MEGF11: variants seen among roughly 807,000 people sequenced by gnomAD.
The protein encoded by MEGF11 is multiple epidermal growth factor-like domains protein 11.
In MEGF11, 126 loss-of-function variants were observed where a neutral mutation model predicts 146.6. That is an observed-to-expected ratio of 0.86 (90% CI 0.74 to 1.00). MEGF11 has a LOEUF of 1.00. Among genes scored for constraint, MEGF11 ranks in the 50% least tolerant of loss-of-function variants. MEGF11 has a pLI of 0.00. For missense variants in MEGF11, 1,509 were observed against 1,521.2 expected (o/e 0.99, Z 0.13); for synonymous variants, 532 against 583.4 (o/e 0.91, Z 1.27).
Position 65,898,914 on chromosome 15 carries a change from A to G in MEGF11, c.3076T>C (p.Cys1026Arg). ...TTCAAGGAACAAGTACTAGAACTGC[A>G]CACGGATTCTTTCATGTAATCTGCA... ...GFKDYMKESV[C>R]SSSTCSLNSS... Residue 1026 changes from cysteine to arginine, a missense_variant, in exon 25 of 26, where the codon TGC (cysteine) becomes CGC (arginine). Cys to Arg is a radical substitution (Grantham distance 180, BLOSUM62 -3). Transcript: ENST00000395614. 1 of 1,613,928 alleles carries G rather than the reference A, an allele frequency of 6.2e-7. No individual in the cohort carries two copies. Among genetic ancestry groups the G allele is most frequent in the East Asian group, 2.2e-5 (1 of 44,878 alleles).
chr15:65,919,904 C>T (rs576436878), intron 15 of MEGF11, among the ~76,000 whole-genome samples: 5 of 144,508 alleles, frequency 3.5e-5, no homozygotes, highest in East Asian at 2.0e-4. Context: ...CCACTGCACC[C>T]GGCCAAACTT....
intron 4 of MEGF11, among the ~76,000 whole-genome samples, chr15:66,115,470 C>T (rs140785561): frequency 6.6e-6 from 1 of 152,354 alleles, no homozygotes; most frequent in African/African-American, 2.4e-5. Context: ...CCCTTTCCTC[C>T]CATCACAATA....
At chr15:66,050,669 T>C (rs1378675734) in intron 5 of MEGF11, among the ~76,000 whole-genome samples, 2 of 152,180 alleles carry the variant, frequency 1.3e-5, no homozygotes, top group Non-Finnish European at 2.9e-5. Context: ...GACAGCTGCA[T>C]GGAGAGTAGC....
At chr15:66,168,358 C>G (rs537371560) in intron 1 of MEGF11, among the ~76,000 whole-genome samples, 9 of 152,254 alleles carry the variant, frequency 5.9e-5, no homozygotes, top group African/African-American at 2.2e-4. Context: ...ACTATCAGGC[C>G]TGCCCACTGG....
chr15:66,014,825 T>C (rs2082830842), intron 5 of MEGF11, among the ~76,000 whole-genome samples: 1 of 152,206 alleles, frequency 6.6e-6, no homozygotes, highest in South Asian at 2.1e-4. Flanking sequence ...GGATGAATTA[T>C]GAGGTCAGAC....
chr15:65,918,203 G>T (rs2079065640), intron 15 of MEGF11, 109 bp from the exon 16 acceptor site: 2 of 1,513,418 alleles, frequency 1.3e-6, no homozygotes, highest in Admixed American at 1.8e-5. Context: ...ATCACCCAGG[G>T]GTCATGGATC....
intron 5 of MEGF11, among the ~76,000 whole-genome samples, chr15:66,039,629 C>T (rs1353330925): frequency 2.0e-5 from 3 of 152,178 alleles, no homozygotes; most frequent in East Asian, 1.9e-4. Flanking sequence ...ACCTAGGTCT[C>T]GATTTCACCC....
intron 4 of MEGF11, among the ~76,000 whole-genome samples, chr15:66,102,573 T>A (rs898002260): frequency 4.6e-5 from 7 of 151,588 alleles, no homozygotes; most frequent in Non-Finnish European, 1.0e-4. Flanking sequence ...ACTATAGGCA[T>A]GCACCACCAC....
At chr15:66,120,938 G>A (rs2140921026) in intron 3 of MEGF11, among the ~76,000 whole-genome samples, 1 of 152,294 alleles carries the variant, frequency 6.6e-6, no homozygotes, top group South Asian at 2.1e-4. Context: ...TTGTCCCTGT[G>A]CAGTTTGGAA....
At chr15:66,198,295 C>T (rs938419339) in intron 1 of MEGF11, among the ~76,000 whole-genome samples, 8 of 152,104 alleles carry the variant, frequency 5.3e-5, no homozygotes, top group African/African-American at 1.9e-4. Flanking sequence ...GGGTTGGAAA[C>T]CACTGCTATG....
intron 5 of MEGF11, among the ~76,000 whole-genome samples, chr15:66,002,174 A>G (rs1048744358): frequency 2.0e-5 from 3 of 152,158 alleles, no homozygotes; most frequent in Non-Finnish European, 4.4e-5. Context: ...CTGTTGCTTA[A>G]TGAGCTCATG....
intron 7 of MEGF11, among the ~76,000 whole-genome samples, chr15:65,980,051 T>A (rs1214104644): frequency 6.6e-6 from 1 of 152,158 alleles, no homozygotes; most frequent in Non-Finnish European, 1.5e-5. Context: ...AATGTGTGTG[T>A]GTGTGCAAGT....
chr15:66,244,901 C>T (rs2140250355), intron 1 of MEGF11, among the ~76,000 whole-genome samples: 1 of 152,262 alleles, frequency 6.6e-6, no homozygotes. Flanking sequence ...ATACACCCAC[C>T]CCCACTGCCT....
chr15:66,249,272 T>A (rs2092338489), intron 1 of MEGF11, among the ~76,000 whole-genome samples: 1 of 152,182 alleles, frequency 6.6e-6, no homozygotes, highest in Non-Finnish European at 1.5e-5. Flanking sequence ...GCATAGTTAC[T>A]GTCAAATGAA....
intron 3 of MEGF11, among the ~76,000 whole-genome samples, chr15:66,120,695 G>A (rs2087980993): frequency 6.6e-6 from 1 of 152,178 alleles, no homozygotes. Context: ...AAGGAAAGCT[G>A]GCCTCAAAGT....
chr15:66,000,929 G>C (rs2082347497), intron 5 of MEGF11, among the ~76,000 whole-genome samples: 2 of 152,192 alleles, frequency 1.3e-5, no homozygotes, highest in Non-Finnish European at 1.5e-5. Context: ...CCTGGAGGGA[G>C]AGTGGGCTTA....
chr15:65,912,523 G>T lies in MEGF11; in HGVS notation c.2711-323C>A, dbSNP rs139704365. On this transcript the variant is annotated intron_variant, in intron 20 of 25. Coordinates refer to ENST00000395614, the MANE Select transcript of MEGF11 (RefSeq NM_001385028.1). ...TTACATGTCCCTGAGTCCCTATTTA[G>T]GGCTGGACTCACCTGCTTCCTTCTA... 8.1e-3 allele frequency: 1,499 copies of T among 184,962 alleles called. 18 individuals carry two copies. The highest frequency in any genetic ancestry group is 0.011 in the Non-Finnish European group (959 of 89,764). 11.5% of individuals were successfully genotyped at this position (184,962 alleles called of 1,614,324 possible).
In MEGF11 at chr15:65,909,017, T is replaced by C. The variant is rs557621526; in HGVS notation, c.2998+17A>G. 1 of 1,497,676 alleles carries C rather than the reference T, an allele frequency of 6.7e-7. No individual in the cohort carries two copies. Among genetic ancestry groups the C allele is most frequent in the Non-Finnish European group, 9.0e-7 (1 of 1,113,092 alleles). 92.8% of individuals were successfully genotyped at this position (1,497,676 alleles called of 1,614,324 possible). On this transcript the variant is annotated intron_variant, in intron 23 of 25. Coordinates refer to ENST00000395614, the MANE Select transcript of MEGF11 (RefSeq NM_001385028.1). ...TGGTCTGGCATGAGGGGGTGGAGGG[T>C]AGGGCTGGGGTCTGACCTGGTGAGT... is the stretch of plus-strand genomic sequence containing the variant.
At chr15:66,062,179 G>A (rs1416479736) in intron 5 of MEGF11, among the ~76,000 whole-genome samples, 1 of 152,222 alleles carries the variant, frequency 6.6e-6, no homozygotes, top group Non-Finnish European at 1.5e-5. Flanking sequence ...CAGGCACAGA[G>A]AGCAGCAAGC....
Sources: gnomAD v4.1 joint callset for allele counts (sites outside exome capture counted in the v4.1 genomes callset) on GRCh38, gnomAD v4.1.1 for gene constraint, MANE v1.5 for transcripts, NCBI Gene and HGNC (gene_info 2026-07-23, HGNC 2026-07-21) for gene names.